Variants in HAPSTR1 observed in about 807,000 individuals in gnomAD.
HAPSTR1 encodes the protein HUWE1-associated protein modifying stress responses 1.
chr16:9,117,131 A>G, the HAPSTR1 span: 2 of 629,778 alleles, frequency 3.2e-6, no homozygotes, highest in Non-Finnish European at 5.3e-6. Flanking sequence ...AGAGGACATC[A>G]GATATTGTGT....
chr16:9,103,180 T>A, the HAPSTR1 span: 1 of 1,614,064 alleles, frequency 6.2e-7, no homozygotes, highest in African/African-American at 1.3e-5. Context: ...TAGTGTCCCC[T>A]AACCGAGCTA....
At chr16:9,110,528 T>G in the HAPSTR1 span, 2 of 152,188 alleles carry the variant, frequency 1.3e-5, no homozygotes, top group South Asian at 2.1e-4. Context: ...CAGAGTGATA[T>G]AGAAAGGAAG....
the HAPSTR1 span, among the ~76,000 whole-genome samples, chr16:9,115,500 A>G: frequency 6.6e-6 from 1 of 152,176 alleles, no homozygotes; most frequent in Non-Finnish European, 1.5e-5. Context: ...CCTGACTCAT[A>G]CCTTTCACAG....
At chr16:9,103,695 TTCTTAC>T in the HAPSTR1 span, 1 of 162,596 alleles carries the variant, frequency 6.2e-6, no homozygotes, top group African/African-American at 2.4e-5. Flanking sequence ...CTTGACACCT[TTCTTAC>T]TTGGTTTGCT....
the HAPSTR1 span, chr16:9,092,355 G>C: frequency 8.5e-7 from 1 of 1,173,708 alleles, no homozygotes; most frequent in Non-Finnish European, 1.1e-6. Flanking sequence ...CGGCCGCTTC[G>C]GGGGGCCGCG....
the HAPSTR1 span, chr16:9,119,181 C>A: frequency 6.6e-6 from 1 of 152,404 alleles, no homozygotes; most frequent in Non-Finnish European, 1.5e-5. Flanking sequence ...TTCTCCTTTC[C>A]CCGACGCACA....
At chr16:9,115,564 A>G in the HAPSTR1 span, among the ~76,000 whole-genome samples, 1 of 152,178 alleles carries the variant, frequency 6.6e-6, no homozygotes, top group Non-Finnish European at 1.5e-5. Context: ...TAACTGTGTA[A>G]GAGTTTAAGG....
At chr16:9,092,342 C>A in the HAPSTR1 span, 1 of 1,228,812 alleles carries the variant, frequency 8.1e-7, no homozygotes, top group Non-Finnish European at 1.0e-6. Context: ...CCTATCGGCT[C>A]AGCGGCCGCT....
chr16:9,115,861 C>T, the HAPSTR1 span, among the ~76,000 whole-genome samples: 566 of 152,166 alleles, frequency 3.7e-3, 9 homozygotes, highest in East Asian at 0.037. Context: ...GAGATCTGCC[C>T]GGCCTCCCAA....
the HAPSTR1 span, among the ~76,000 whole-genome samples, chr16:9,096,320 T>A: frequency 6.6e-6 from 1 of 152,182 alleles, no homozygotes; most frequent in Admixed American, 6.5e-5. Context: ...AGGGAAGTAA[T>A]AATAGTTTAT....
At chr16:9,099,109 A>G in the HAPSTR1 span, among the ~76,000 whole-genome samples, 1 of 147,746 alleles carries the variant, frequency 6.8e-6, no homozygotes, top group Non-Finnish European at 1.5e-5. Flanking sequence ...TCTTGGATTC[A>G]GTTTCCCATG....
the HAPSTR1 span, among the ~76,000 whole-genome samples, chr16:9,095,594 T>C: frequency 2.6e-5 from 4 of 152,016 alleles, no homozygotes; most frequent in Non-Finnish European, 4.4e-5. Flanking sequence ...ACCAAGAAGT[T>C]CATTAGGTGT....
chr16:9,120,631 T>A, the HAPSTR1 span: 1 of 151,622 alleles, frequency 6.6e-6, no homozygotes, highest in African/African-American at 2.4e-5. Flanking sequence ...CAGCTTATAG[T>A]ATATACAGGT....
At chr16:9,096,715 T>G in the HAPSTR1 span, among the ~76,000 whole-genome samples, 1 of 152,198 alleles carries the variant, frequency 6.6e-6, no homozygotes, top group Non-Finnish European at 1.5e-5. Flanking sequence ...TTAGTGTGGA[T>G]TACAGTGAGA....
the HAPSTR1 span, chr16:9,092,217 A>C: frequency 1.9e-6 from 3 of 1,587,838 alleles, no homozygotes; most frequent in Non-Finnish European, 2.6e-6. Context: ...AAGCAGCAGA[A>C]GCTGTGGCAC....
chr16:9,107,125 C>T, the HAPSTR1 span: 4 of 152,366 alleles, frequency 2.6e-5, no homozygotes, highest in Admixed American at 6.5e-5. Context: ...GTCCCACTGT[C>T]CTCCGGTGTA....
At chr16:9,100,242 G>A in the HAPSTR1 span, among the ~76,000 whole-genome samples, 5 of 152,148 alleles carry the variant, frequency 3.3e-5, no homozygotes, top group African/African-American at 1.2e-4. Flanking sequence ...TTTTAAAAGA[G>A]GTTCACAACT....
At chr16:9,104,287 G>A in the HAPSTR1 span, 5 of 152,034 alleles carry the variant, frequency 3.3e-5, no homozygotes, top group Admixed American at 6.6e-5. Flanking sequence ...TAATTTTTTA[G>A]AGACAGGGTT....
chr16:9,101,583 T>A, the HAPSTR1 span, among the ~76,000 whole-genome samples: 1 of 152,200 alleles, frequency 6.6e-6, no homozygotes, highest in African/African-American at 2.4e-5. Flanking sequence ...AGAGAAAAGA[T>A]CTGTGGACAA....
Sources: gnomAD v4.1 joint callset for allele counts (sites outside exome capture counted in the v4.1 genomes callset) on GRCh38, gnomAD v4.1.1 for gene constraint, MANE v1.5 for transcripts, NCBI Gene and HGNC (gene_info 2026-07-23, HGNC 2026-07-21) for gene names.